The following SAMD12 variants were observed in gnomAD, a reference collection of about 807,000 sequenced individuals.
SAMD12 encodes the protein sterile alpha motif domain-containing protein 12.
A neutral mutation model predicts 15.0 loss-of-function variants in SAMD12; 9 were observed. The observed-to-expected ratio is 0.60, with a 90% confidence interval of 0.36 to 1.05. The LOEUF is 1.05. Ranked by LOEUF, SAMD12 falls within the 50% of genes least tolerant of loss-of-function variation. The pLI is 0.01. For missense variants in SAMD12, 230 were observed against 234.2 expected, an observed-to-expected ratio of 0.98 and a Z score of 0.12; for synonymous variants, 86 against 90.1, an observed-to-expected ratio of 0.96 and a Z score of 0.25.
At chr8:118,510,351 A>C (rs1292861812) in intron 2 of SAMD12, among the ~76,000 whole-genome samples, 1 of 152,146 alleles carries the variant, frequency 6.6e-6, no homozygotes, top group Non-Finnish European at 1.5e-5. Flanking sequence ...TGATTCTGAT[A>C]CAGATCACAC....
chr8:118,411,362 G>A (rs990805533), intron 3 of SAMD12, among the ~76,000 whole-genome samples: 1 of 152,186 alleles, frequency 6.6e-6, no homozygotes, highest in Non-Finnish European at 1.5e-5. Context: ...AGGGCAAGAA[G>A]ATCAAGTCCA....
At chr8:118,358,501 C>T (rs932302811) in intron 4 of SAMD12, among the ~76,000 whole-genome samples, 4 of 152,144 alleles carry the variant, frequency 2.6e-5, no homozygotes, top group African/African-American at 9.7e-5. Flanking sequence ...ACTCATGTTG[C>T]CTTTCATGAA....
chr8:118,185,014 T>C (rs1031291562), downstream of SAMD12, among the ~76,000 whole-genome samples: 2 of 152,130 alleles, frequency 1.3e-5, no homozygotes, highest in Middle Eastern at 3.2e-3. Flanking sequence ...CAATACCTGT[T>C]TGCGTTGATG....
intron 4 of SAMD12, among the ~76,000 whole-genome samples, chr8:118,311,000 C>T (rs996510189): frequency 1.4e-4 from 21 of 152,288 alleles, no homozygotes; most frequent in African/African-American, 4.8e-4. Flanking sequence ...TTTGGCTAGT[C>T]TCCACAATAC....
At chr8:118,257,140 A>G (rs764013488) in intron 4 of SAMD12, among the ~76,000 whole-genome samples, 8 of 152,100 alleles carry the variant, frequency 5.3e-5, no homozygotes, top group Non-Finnish European at 1.2e-4. Flanking sequence ...TTATGAAAGT[A>G]GACAAAACAA....
At chr8:118,144,121 T>C in the SAMD12 span, among the ~76,000 whole-genome samples, 1 of 152,124 alleles carries the variant, frequency 6.6e-6, no homozygotes, top group Non-Finnish European at 1.5e-5. Flanking sequence ...CCTCCTCCCC[T>C]TCCGTGTGTT....
intron 2 of SAMD12, among the ~76,000 whole-genome samples, chr8:118,573,822 A>G (rs575654464): frequency 1.6e-4 from 25 of 152,212 alleles, no homozygotes; most frequent in Non-Finnish European, 3.2e-4. Flanking sequence ...GGACTTCTGT[A>G]TTATATGAAC....
chr8:118,579,421 T>C (rs570053203), intron 2 of SAMD12, among the ~76,000 whole-genome samples: 2 of 152,310 alleles, frequency 1.3e-5, no homozygotes, highest in South Asian at 2.1e-4. Flanking sequence ...GTAAATATCC[T>C]ATGAGTTGCC....
At chr8:118,332,041 G>C (rs1008068347) in intron 4 of SAMD12, among the ~76,000 whole-genome samples, 2 of 152,038 alleles carry the variant, frequency 1.3e-5, no homozygotes, top group South Asian at 4.1e-4. Context: ...GGTGGGGTGG[G>C]GGAAAGGAAT....
intron 2 of SAMD12, among the ~76,000 whole-genome samples, chr8:118,482,636 T>A (rs1824160676): frequency 6.6e-6 from 1 of 152,176 alleles, no homozygotes; most frequent in South Asian, 2.1e-4. Flanking sequence ...TATATGCAAA[T>A]ACTATGCAAT....
the SAMD12 span, among the ~76,000 whole-genome samples, chr8:118,182,806 T>C: frequency 6.6e-6 from 1 of 152,196 alleles, no homozygotes; most frequent in South Asian, 2.1e-4. Flanking sequence ...CATACATTAA[T>C]ACCAATTTTG....
At chr8:118,321,834 G>T (rs754093066) in intron 4 of SAMD12, among the ~76,000 whole-genome samples, 23 of 144,094 alleles carry the variant, frequency 1.6e-4, no homozygotes, top group Non-Finnish European at 3.2e-4. Context: ...GTAAAATGAG[G>T]ATGATAATAA....
Position 118,255,097 on chromosome 8 carries a change from C to G in SAMD12, c.434-57365G>C, listed in dbSNP as rs373615694. 9.2e-5 allele frequency among the ~76,000 whole-genome samples: 14 copies of G among 152,076 alleles called. No homozygotes were observed. In the South Asian group the frequency reaches 2.7e-3, roughly 29 times the overall value. ...ATCACTTTCAAATCCATAGCTTAAG[C>G]CGCATCACTGTGATGAAACCAATAC... On this transcript the variant is annotated intron_variant, in intron 4 of 4. Transcript: ENST00000409003.
At chr8:118,142,341 A>T in the SAMD12 span, among the ~76,000 whole-genome samples, 1 of 152,326 alleles carries the variant, frequency 6.6e-6, no homozygotes, top group Admixed American at 6.5e-5. Flanking sequence ...TATTTCTGCA[A>T]CTTGGCTTAT....
chr8:118,145,228 A>G, the SAMD12 span, among the ~76,000 whole-genome samples: 1 of 152,128 alleles, frequency 6.6e-6, no homozygotes, highest in Non-Finnish European at 1.5e-5. Flanking sequence ...ACATTAGCCC[A>G]TGGGATTATC....
At chr8:118,499,138 G>A (rs776368046) in intron 2 of SAMD12, among the ~76,000 whole-genome samples, 4 of 152,180 alleles carry the variant, frequency 2.6e-5, no homozygotes, top group Admixed American at 1.3e-4. Flanking sequence ...ATAGTCACTT[G>A]AGGACTTAGA....
exon 5 of SAMD12, chr8:118,191,660 A>AT (rs1819375850): frequency 6.7e-6 from 1 of 149,646 alleles, no homozygotes; most frequent in African/African-American, 2.4e-5. Context: ...GTATCTGGAC[A>AT]TAAGCATTGT....
At chr8:118,381,256 G>A (rs957375512) in intron 3 of SAMD12, among the ~76,000 whole-genome samples, 4 of 152,194 alleles carry the variant, frequency 2.6e-5, no homozygotes, top group Non-Finnish European at 4.4e-5. Context: ...AAGATTCAGT[G>A]GAACCTGCAT....
intron 4 of SAMD12, among the ~76,000 whole-genome samples, chr8:118,259,051 T>A (rs55648456): frequency 0.023 from 3,483 of 152,194 alleles, 135 homozygotes; most frequent in African/African-American, 0.08. Flanking sequence ...TTGATACTTA[T>A]ACGGAAATGA....
Sources: allele counts gnomAD v4.1 joint callset (sites outside exome capture counted in the v4.1 genomes callset), GRCh38; gene constraint gnomAD v4.1.1; transcripts MANE v1.5; gene names NCBI Gene and HGNC (gene_info 2026-07-23, HGNC 2026-07-21).